Variants in SNTG1 observed in about 807,000 individuals in gnomAD.
SNTG1 encodes syntrophin gamma 1.
SNTG1 carries 39 observed loss-of-function variants against 74.7 expected under a neutral mutation model. The observed-to-expected ratio is 0.52, with a 90% confidence interval of 0.40 to 0.68. SNTG1 has a LOEUF of 0.68. SNTG1 is among the 30% of genes least tolerant of loss of function. The pLI is 0.00. For synonymous variants in SNTG1, 254 were observed against 217.1 expected, an observed-to-expected ratio of 1.17 and a Z score of -1.49; for missense variants, 685 against 609.5, an observed-to-expected ratio of 1.12 and a Z score of -1.30.
chr8:50,082,316 CTT>C (rs1822485163), intron 1 of SNTG1, among the ~76,000 whole-genome samples: 2 of 152,066 alleles, frequency 1.3e-5, no homozygotes, highest in South Asian at 2.1e-4. Context: ...TGGTTACACT[CTT>C]GTTTCTTTTT....
chr8:50,051,424 A>C (rs1205865822), intron 1 of SNTG1, among the ~76,000 whole-genome samples: 1 of 152,140 alleles, frequency 6.6e-6, no homozygotes, highest in Non-Finnish European at 1.5e-5. Context: ...AAAATAATAA[A>C]ATGCTTATGA....
intron 1 of SNTG1, among the ~76,000 whole-genome samples, chr8:50,105,262 T>C (rs1316818991): frequency 6.6e-6 from 1 of 152,076 alleles, no homozygotes; most frequent in East Asian, 1.9e-4. Context: ...AGCCAGTTAT[T>C]TCAGCATCAT....
At chr8:50,333,912 T>C (rs2091052842) in intron 2 of SNTG1, among the ~76,000 whole-genome samples, 1 of 152,222 alleles carries the variant, frequency 6.6e-6, no homozygotes, top group Non-Finnish European at 1.5e-5. Context: ...AAGTGCCACA[T>C]GGATGCATAC....
chr8:50,618,909 G>GTGTGTGTA (rs1437711578), intron 13 of SNTG1, among the ~76,000 whole-genome samples: 21 of 151,786 alleles, frequency 1.4e-4, no homozygotes, highest in South Asian at 6.3e-4. Context: ...GTGTGTGTGT[G>GTGTGTGTA]TATATATATA....
chr8:50,153,832 G>T (rs561172043), intron 1 of SNTG1, among the ~76,000 whole-genome samples: 2 of 152,304 alleles, frequency 1.3e-5, no homozygotes, highest in Admixed American at 6.5e-5. Flanking sequence ...GTGCCTCCCA[G>T]TTAGGCTACT....
chr8:49,998,082 T>C (rs867165278), intron 1 of SNTG1, among the ~76,000 whole-genome samples: 4 of 152,336 alleles, frequency 2.6e-5, no homozygotes, highest in Middle Eastern at 3.4e-3. Context: ...AGCATGTTTC[T>C]GTCCTTGGCA....
chr8:50,597,858 T>C (rs1055396041), intron 13 of SNTG1, among the ~76,000 whole-genome samples: 1 of 152,070 alleles, frequency 6.6e-6, no homozygotes, highest in Non-Finnish European at 1.5e-5. Flanking sequence ...TTTGTATGTA[T>C]TCTTTTGAGA....
chr8:50,685,962 G>A (rs1000534329), intron 15 of SNTG1, among the ~76,000 whole-genome samples: 1 of 152,188 alleles, frequency 6.6e-6, no homozygotes, highest in African/African-American at 2.4e-5. Context: ...GTGTGTGTGT[G>A]TGTTCTTGGG....
At chr8:50,192,778 T>A (rs1047090761) in intron 2 of SNTG1, among the ~76,000 whole-genome samples, 9 of 152,154 alleles carry the variant, frequency 5.9e-5, no homozygotes, top group Non-Finnish European at 1.2e-4. Context: ...TTTTTATAGT[T>A]TTAGGTCTTA....
At chr8:49,988,206 C>A (rs1813353793) in intron 1 of SNTG1, among the ~76,000 whole-genome samples, 1 of 152,092 alleles carries the variant, frequency 6.6e-6, no homozygotes, top group Non-Finnish European at 1.5e-5. Context: ...TAAAAATGGG[C>A]GTGCAGAGTT....
At chr8:50,195,221 G>T (rs1437230928) in intron 2 of SNTG1, among the ~76,000 whole-genome samples, 2 of 151,942 alleles carry the variant, frequency 1.3e-5, no homozygotes, top group Admixed American at 6.6e-5. Context: ...AGGGAAGTGG[G>T]GGAAAGCCAG....
At chr8:50,128,992 A>T (rs1249612699) in intron 1 of SNTG1, among the ~76,000 whole-genome samples, 1 of 152,106 alleles carries the variant, frequency 6.6e-6, no homozygotes, top group Admixed American at 6.6e-5. Context: ...AGCATGACTT[A>T]GAATTGACAT....
intron 2 of SNTG1, among the ~76,000 whole-genome samples, chr8:50,233,272 G>A (rs1051504419): frequency 6.6e-6 from 1 of 151,486 alleles, no homozygotes; most frequent in Non-Finnish European, 1.5e-5. Context: ...ATGACCAAGT[G>A]ATTTTTGGCA....
chr8:50,031,252 G>T (rs1454858231), intron 1 of SNTG1, among the ~76,000 whole-genome samples: 1 of 151,408 alleles, frequency 6.6e-6, no homozygotes, highest in Non-Finnish European at 1.5e-5. Context: ...CAATTCTCAG[G>T]GTTATTTCTA....
intron 2 of SNTG1, among the ~76,000 whole-genome samples, chr8:50,207,366 A>G (rs2084296153): frequency 6.6e-6 from 1 of 152,186 alleles, no homozygotes; most frequent in Non-Finnish European, 1.5e-5. Context: ...AGGTGTTTAT[A>G]GTATACTCTG....
chr8:50,004,618 A>G lies in SNTG1; in HGVS notation c.-103+92387A>G, dbSNP rs544033302. Among the ~76,000 whole-genome samples the G allele has an allele frequency of 1.2e-4, 19 of 152,320 alleles. No homozygotes were observed. In the South Asian group the frequency reaches 3.9e-3, roughly 32 times the overall value. Reference sequence around the variant, plus strand: ...TCCATAGAAAAAGAAAAATTGCTTCAGTAGCACTCCACCCACTGACAATAT... The same window carrying G: ...TCCATAGAAAAAGAAAAATTGCTTCGGTAGCACTCCACCCACTGACAATAT... On this transcript the variant is annotated intron_variant, in intron 1 of 18. Transcript: ENST00000642720.
At position 50,779,698 on chromosome 8, in the gene SNTG1, C is replaced by T. The variant is rs186379371; in HGVS notation, c.1396-12973C>T. Among the ~76,000 whole-genome samples, 13 of 151,712 alleles carry T rather than the reference C, an allele frequency of 8.6e-5. No individual in the cohort carries two copies. The East Asian group carries it at 2.3e-3, about 27-fold the overall frequency. On this transcript the variant is annotated intron_variant, in intron 18 of 18. Transcript: ENST00000642720. ...TTCCTAATCGAATACCCTTTATTTC[C>T]TTCTCCTGCCTAATTGCCCTGGCCA...
intron 15 of SNTG1, among the ~76,000 whole-genome samples, chr8:50,679,922 C>T (rs1467015706): frequency 1.3e-5 from 2 of 152,148 alleles, no homozygotes; most frequent in African/African-American, 4.8e-5. Flanking sequence ...AATAAGGCTA[C>T]TACTCAGTGG....
intron 1 of SNTG1, among the ~76,000 whole-genome samples, chr8:50,156,198 T>C (rs1049866509): frequency 1.1e-4 from 17 of 152,076 alleles, no homozygotes; most frequent in African/African-American, 3.4e-4. Flanking sequence ...CTACTAAAAC[T>C]CAGGAAACAA....
Sources: gnomAD v4.1 joint callset for allele counts (sites outside exome capture counted in the v4.1 genomes callset) on GRCh38, gnomAD v4.1.1 for gene constraint, MANE v1.5 for transcripts, NCBI Gene and HGNC (gene_info 2026-07-23, HGNC 2026-07-21) for gene names.